Variants in ARVCF observed in about 807,000 individuals in gnomAD.
The protein encoded by ARVCF is ARVCF delta catenin family member, also known as splicing regulator ARVCF.
In ARVCF, 66 loss-of-function variants were observed where a neutral mutation model predicts 90.9. The ratio of observed to expected loss-of-function variants is 0.73; its 90% CI spans 0.60 to 0.89. The LOEUF (loss-of-function observed/expected upper bound fraction) is 0.89. Ranked by LOEUF, ARVCF falls within the 40% of genes least tolerant of loss-of-function variation. The pLI is 0.00. For missense variants in ARVCF, 1,469 were observed against 1,382.3 expected, an observed-to-expected ratio of 1.06 and a Z score of -1.00; for synonymous variants, 653 against 603.4, an observed-to-expected ratio of 1.08 and a Z score of -1.21.
chr22:19,979,358 G>T, intron 6 of ARVCF: 1 of 528,248 alleles, frequency 1.9e-6, no homozygotes, highest in Non-Finnish European at 3.4e-6. Context: ...CACTCCTGAG[G>T]CCACAGGGCC....
At chr22:19,976,596 A>G in intron 10 of ARVCF, 110 bp downstream of exon 10, 1 of 1,394,202 alleles carries the variant, frequency 7.2e-7, no homozygotes, top group Non-Finnish European at 9.8e-7. Flanking sequence ...TGGCAGCCCG[A>G]GTGATGAAGC....
chr22:19,973,412 G>T, intron 13 of ARVCF, 95 bp from the exon 14 acceptor site: 1 of 1,433,856 alleles, frequency 7.0e-7, no homozygotes. Context: ...TGCCAGGAGA[G>T]CCCCTGGAGA....
rs1215809916 is a variant in ARVCF at position 20,006,131 on chromosome 22, CAG to C, written c.-19+4322_-19+4323del. On this transcript the variant is annotated intron_variant, in intron 2 of 19. Transcript: ENST00000263207. ...CAAACGGGGAGTTTTCTAATGGGTA[CAG>C]AGTTTCTATTTTGCAAGAATAAAAA... is the stretch of plus-strand genomic sequence containing the variant. Among the ~76,000 whole-genome samples the C allele has an allele frequency of 1.2e-4, 18 of 152,096 alleles. No individual in the cohort carries two copies. The East Asian group carries it at 3.5e-3, about 29-fold the overall frequency.
chr22:19,982,071 C>T lies in ARVCF; in HGVS notation c.231G>A (p.Gln77=). 3 of 1,612,110 alleles carry T rather than the reference C, an allele frequency of 1.9e-6. No individual in the cohort carries two copies. Among genetic ancestry groups the T allele is most frequent in the Non-Finnish European group, 2.5e-6 (3 of 1,179,936 alleles). ...LVLQEQSPGS[Q]ASLATMPEAP... ...CCTCCGGCATCGTGGCCAGTGAGGC[C>T]TGGCTGCCTGGGCTCTGCTCCTGGG... Residue 77 remains glutamine (Q), a synonymous_variant, in exon 4 of 20, where the codon CAG becomes CAA. Coordinates refer to ENST00000263207, the MANE Select transcript of ARVCF (RefSeq NM_001670.3).
Position 19,987,974 on chromosome 22 carries a change from C to T in ARVCF, c.210+2611G>A, listed in dbSNP as rs375032755. Among the ~76,000 whole-genome samples the T allele has an allele frequency of 1.1e-4, 17 of 152,276 alleles. No individual in the cohort carries two copies. The South Asian group carries it at 3.5e-3, about 32-fold the overall frequency. On this transcript the variant is annotated intron_variant, in intron 3 of 19. Transcript: ENST00000263207. ...CTGGAGCCACCTTCTTATGTCAAAC[C>T]CCACAAAGGCCAAGCCAATGGCTCC...
rs748757980 is a variant in ARVCF, at chr22:19,973,629, G to A, written c.2239+14C>T. 28 of 1,598,300 alleles carry A rather than the reference G, an allele frequency of 1.8e-5. No individual in the cohort carries two copies. In the Admixed American group the frequency reaches 4.5e-4, roughly 26 times the overall value. On this transcript the variant is annotated intron_variant, in intron 13 of 19. Coordinates refer to ENST00000263207, the MANE Select transcript of ARVCF (RefSeq NM_001670.3). ...AGTTCGGTGCCCAGGCGTGGGCTTT[G>A]CAGGCGTCCTCACCGATGAGGTCTT...
Position 19,981,414 on chromosome 22 carries a change from G to T in ARVCF, c.693C>A (p.Gly231=). 1 of 1,578,180 alleles carries T rather than the reference G, an allele frequency of 6.3e-7. No individual in the cohort carries two copies. The highest frequency in any genetic ancestry group is 8.6e-7 in the Non-Finnish European group (1 of 1,164,786). ...GPGDGCFTLP[G]HREAFPVGPE... is the part of the protein sequence containing the mutation. ...GACCCACCGGGAAGGCTTCCCGGTGGCCAGGCAGTGTGAAGCAGCCATCAC... is the reference window on the plus strand; with the variant it reads ...GACCCACCGGGAAGGCTTCCCGGTGTCCAGGCAGTGTGAAGCAGCCATCAC... Residue 231 remains glycine (G), a synonymous_variant, in exon 5 of 20, where the codon GGC becomes GGA. Transcript: ENST00000263207.
At chr22:19,998,907 C>T (rs1322971183) in intron 2 of ARVCF, among the ~76,000 whole-genome samples, 1 of 152,334 alleles carries the variant, frequency 6.6e-6, no homozygotes, top group East Asian at 1.9e-4. Context: ...CCTCCGTCTT[C>T]ACCTATCCGC....
rs556565952 is a variant in ARVCF at position 19,987,471 on chromosome 22, CTT to C, written c.210+3112_210+3113del. Among the ~76,000 whole-genome samples, 74 of 151,450 alleles carry C rather than the reference CTT, an allele frequency of 4.9e-4. 1 individual carries two copies. The South Asian group carries it at 0.014, about 28-fold the overall frequency. On this transcript the variant is annotated intron_variant, in intron 3 of 19. Transcript: ENST00000263207. ...GGGGTGTCACTTTCCCGCCGAAAGA[CTT>C]TGGCCAAGTCCTTCCCAGGCCTCGG...
intron 3 of ARVCF, among the ~76,000 whole-genome samples, chr22:19,982,973 A>C (rs1377961286): frequency 6.6e-6 from 1 of 152,228 alleles, no homozygotes; most frequent in Non-Finnish European, 1.5e-5. Context: ...TGGACTTGCC[A>C]GTGGGGAAAC....
chr22:20,014,642 G>A (rs997513469), intron 1 of ARVCF, among the ~76,000 whole-genome samples: 1 of 152,210 alleles, frequency 6.6e-6, no homozygotes, highest in Admixed American at 6.5e-5. Context: ...TCCTGGCCCT[G>A]TCTACAGAAT....
intron 11 of ARVCF, among the ~76,000 whole-genome samples, chr22:19,974,975 C>A (rs995524048): frequency 1.2e-4 from 19 of 152,172 alleles, no homozygotes; most frequent in African/African-American, 4.6e-4. Flanking sequence ...ACCTCGATCT[C>A]CCCTGTACCC....
intron 7 of ARVCF, 105 bp from the exon 8 acceptor site, chr22:19,978,180 T>C: frequency 1.0e-6 from 1 of 1,003,456 alleles, no homozygotes; most frequent in Non-Finnish European, 1.4e-6. Flanking sequence ...GCCCTGCTGC[T>C]GCCCTCCTAG....
chr22:19,973,670 G>C lies in ARVCF; in HGVS notation c.2212C>G (p.Leu738Val). Residue 738 changes from leucine to valine, a missense_variant, in exon 13 of 20, where the codon CTG becomes GTG. Coordinates refer to ENST00000263207, the MANE Select transcript of ARVCF (RefSeq NM_001670.3). Reference sequence around the variant, plus strand: ...ATGAGGTCTTTGTTGCGCCGGTCCAGCGAGAGGTTGCGCAGAGCGATGGCG... The same window carrying C: ...ATGAGGTCTTTGTTGCGCCGGTCCACCGAGAGGTTGCGCAGAGCGATGGCG... ...AVAIALRNLS[L>V]DRRNKDLIGS... 6.2e-7 allele frequency: 1 copy of C among 1,610,212 alleles called. No individual in the cohort carries two copies. Among genetic ancestry groups the C allele is most frequent in the Non-Finnish European group, 8.5e-7 (1 of 1,179,534 alleles).
At chr22:19,981,855 T>TC (rs2146319347) in intron 4 of ARVCF, 78 bp downstream of exon 4, 5 of 1,571,816 alleles carry the variant, frequency 3.2e-6, no homozygotes, top group Non-Finnish European at 4.3e-6. Context: ...GTGGCAAGCT[T>TC]CCATGTCCAC....
Position 19,979,049 on chromosome 22 carries a change from G to A in ARVCF, c.1428C>T (p.Pro476=). 25 of 1,613,268 alleles carry A rather than the reference G, an allele frequency of 1.5e-5. No individual in the cohort carries two copies. Among genetic ancestry groups the A allele is most frequent in the Non-Finnish European group, 2.1e-5 (25 of 1,179,846 alleles). Residue 476 remains proline, a synonymous_variant, in exon 7 of 20, where the codon CCC becomes CCT. Transcript: ENST00000263207. ...CATGGTCAATGATGACCATCTTCAG[G>A]GGCTCATAGGATGACAGGTTCCACA... The part of the protein sequence containing the change: ...GTLWNLSSYE[P]LKMVIIDHGL...
intron 3 of ARVCF, among the ~76,000 whole-genome samples, chr22:19,985,226 T>G (rs1943702822): frequency 6.6e-6 from 1 of 152,122 alleles, no homozygotes; most frequent in East Asian, 1.9e-4. Context: ...CCTCCCCAGC[T>G]GGGGCCCCAT....
chr22:19,973,222 C>T lies in ARVCF; in HGVS notation c.2335G>A (p.Val779Met), dbSNP rs1309057885. The change falls in exon 14 of 20, where the codon GTG (valine) becomes ATG (methionine). Residue 779 changes from valine (V) to methionine (M), a missense_variant. Transcript: ENST00000263207. ...ACLEEDTVVA[V>M]LNTIHEIVSD... ...ACGATTTCGTGGATGGTGTTGAGCA[C>T]CGCCACCACGGTGTCTTCCTCCAGG... The T allele has an allele frequency of 2.5e-6, 4 of 1,610,550 alleles. No homozygotes were observed. The highest frequency in any genetic ancestry group is 3.4e-6 in the Non-Finnish European group (4 of 1,179,138).
In ARVCF at chr22:19,981,409, C is replaced by G; in HGVS notation, c.698G>C (p.Arg233Pro). ...GDGCFTLPGH[R>P]EAFPVGPEPG... ...CTCAGGACCCACCGGGAAGGCTTCC[C>G]GGTGGCCAGGCAGTGTGAAGCAGCC... Residue 233 changes from arginine (R) to proline (P), a missense_variant, in exon 5 of 20, where the codon CGG becomes CCG. Transcript: ENST00000263207. The G allele has an allele frequency of 6.3e-7, 1 of 1,580,944 alleles. No homozygotes were observed. Among genetic ancestry groups the G allele is most frequent in the South Asian group, 1.1e-5 (1 of 88,128 alleles).
Sources: allele counts gnomAD v4.1 joint callset (sites outside exome capture counted in the v4.1 genomes callset), GRCh38; gene constraint gnomAD v4.1.1; transcripts MANE v1.5; gene names NCBI Gene and HGNC (gene_info 2026-07-23, HGNC 2026-07-21).